The following CNST variants were observed in gnomAD, a reference collection of about 807,000 sequenced individuals.
CNST encodes the protein consortin.
CNST carries 39 observed loss-of-function variants against 72.4 expected under a neutral mutation model. That is an observed-to-expected ratio of 0.54 (90% confidence interval 0.42 to 0.70). The LOEUF is 0.70. Ranked by LOEUF, CNST falls within the 30% of genes least tolerant of loss-of-function variation. The probability of loss-of-function intolerance (pLI) is 0.00; values close to 1 mark genes in which losing one functional copy is unlikely to be tolerated. For synonymous variants in CNST, 332 were observed against 320.1 expected, an observed-to-expected ratio of 1.04 and a Z score of -0.40; for missense variants, 871 against 868.5, an observed-to-expected ratio of 1.00 and a Z score of -0.04.
At chr1:246,646,979 G>T (rs1226432294) in intron 8 of CNST, among the ~76,000 whole-genome samples, 160 bp from the exon 9 acceptor site, 1 of 152,086 alleles carries the variant, frequency 6.6e-6, no homozygotes, top group Non-Finnish European at 1.5e-5. Context: ...AATATTTTGG[G>T]TATTTCCTCT....
At chr1:246,643,238 C>T (rs547606887) in intron 8 of CNST, among the ~76,000 whole-genome samples, 1 of 152,150 alleles carries the variant, frequency 6.6e-6, no homozygotes, top group Non-Finnish European at 1.5e-5. Flanking sequence ...TCAAATCTTA[C>T]TTTATCTCCT....
intron 1 of CNST, among the ~76,000 whole-genome samples, chr1:246,574,456 C>T (rs376343579): frequency 5.9e-5 from 9 of 152,124 alleles, no homozygotes; most frequent in African/African-American, 1.4e-4. Context: ...GACAGCTTGT[C>T]GCACTATCAC....
chr1:246,656,138 C>G (rs1192076152), intron 9 of CNST, among the ~76,000 whole-genome samples: 7 of 152,150 alleles, frequency 4.6e-5, no homozygotes, highest in Admixed American at 1.3e-4. Context: ...AATTGACCAA[C>G]CTAGAGGTTC....
intron 3 of CNST, among the ~76,000 whole-genome samples, chr1:246,624,108 A>AT (rs1387670234): frequency 6.6e-5 from 10 of 152,192 alleles, no homozygotes; most frequent in African/African-American, 2.4e-4. Flanking sequence ...CCAATTCAGG[A>AT]AAATGTATAC....
At chr1:246,595,605 G>T (rs1019389811) in intron 2 of CNST, among the ~76,000 whole-genome samples, 1 of 152,134 alleles carries the variant, frequency 6.6e-6, no homozygotes, top group African/African-American at 2.4e-5. Flanking sequence ...AAATTTTTCA[G>T]ACGTGTACTT....
At chr1:246,568,704 G>C (rs1659878020) in intron 1 of CNST, among the ~76,000 whole-genome samples, 1 of 152,156 alleles carries the variant, frequency 6.6e-6, no homozygotes, top group South Asian at 2.1e-4. Flanking sequence ...AGCCTCCCGA[G>C]TAGCTGGGAT....
At chr1:246,580,577 C>A (rs1402854599) in intron 1 of CNST, among the ~76,000 whole-genome samples, 1 of 152,186 alleles carries the variant, frequency 6.6e-6, no homozygotes, top group East Asian at 1.9e-4. Context: ...TTCCACAGTA[C>A]TTTGTTCATA....
intron 2 of CNST, chr1:246,607,612 A>T (rs538511773): frequency 6.6e-6 from 1 of 152,506 alleles, no homozygotes; most frequent in African/African-American, 2.4e-5. Flanking sequence ...TGTAAACAGG[A>T]AGTGTCCCTG....
intron 2 of CNST, among the ~76,000 whole-genome samples, chr1:246,597,342 C>A (rs73150010): frequency 0.025 from 3,806 of 152,204 alleles, 175 homozygotes; most frequent in African/African-American, 0.087. Context: ...AACATTTTAT[C>A]CTCCAGGAAG....
At position 246,621,727 on chromosome 1, in the gene CNST, G is replaced by C. The variant is rs994239645; in HGVS notation, c.585+93G>C. 2.0e-5 allele frequency: 22 copies of C among 1,080,380 alleles called. No individual in the cohort carries two copies. In the African/African-American group the frequency reaches 3.4e-4, roughly 17 times the overall value. 66.9% of individuals were successfully genotyped at this position (1,080,380 alleles called of 1,614,324 possible). ...AATGCTGTCTTGGCTGGGCGCAGTG[G>C]CTCATGCCTGTAATCCCAGCATTTT... On this transcript the variant is annotated intron_variant, in intron 3 of 10. Transcript: ENST00000366513.
At chr1:246,615,283 C>T (rs1382646649) in intron 2 of CNST, among the ~76,000 whole-genome samples, 1 of 152,130 alleles carries the variant, frequency 6.6e-6, no homozygotes, top group Non-Finnish European at 1.5e-5. Flanking sequence ...TCACGCCATT[C>T]TCCTGCCTCA....
chr1:246,664,489 T>A (rs182748250), intron 10 of CNST, among the ~76,000 whole-genome samples: 1 of 151,946 alleles, frequency 6.6e-6, no homozygotes, highest in East Asian at 1.9e-4. Context: ...TGCAGTGGTG[T>A]GATCTCAGCT....
chr1:246,613,189 G>C (rs1483612854), intron 2 of CNST, among the ~76,000 whole-genome samples: 1 of 152,200 alleles, frequency 6.6e-6, no homozygotes, highest in East Asian at 1.9e-4. Flanking sequence ...CTTCATCCCA[G>C]GTAGTCTGAC....
intron 1 of CNST, among the ~76,000 whole-genome samples, chr1:246,570,308 C>T (rs1659989864): frequency 6.6e-6 from 1 of 152,172 alleles, no homozygotes; most frequent in Non-Finnish European, 1.5e-5. Flanking sequence ...AACTCTAAAG[C>T]CAGTTAACCT....
At chr1:246,653,363 C>T (rs116274012) in intron 9 of CNST, among the ~76,000 whole-genome samples, 3,208 of 152,324 alleles carry the variant, frequency 0.021, 117 homozygotes, top group African/African-American at 0.073. Flanking sequence ...TAGCACTAAG[C>T]AGTAGTCGCT....
Position 246,573,541 on chromosome 1 carries a change from G to A in CNST, c.-52+6878G>A, listed in dbSNP as rs188102397. Among the ~76,000 whole-genome samples, 9 of 152,238 alleles carry A rather than the reference G, an allele frequency of 5.9e-5. No homozygotes were observed. The East Asian group carries it at 9.6e-4, about 16-fold the overall frequency. Reference sequence around the variant, plus strand: ...TAGTTTCGTGCATTCTGATGCCTGCGGGCTTTTTATCCTTCCTGTCTCCAC... The same window carrying A: ...TAGTTTCGTGCATTCTGATGCCTGCAGGCTTTTTATCCTTCCTGTCTCCAC... On this transcript the variant is annotated intron_variant, in intron 1 of 10. Transcript: ENST00000366513.
intron 8 of CNST, among the ~76,000 whole-genome samples, chr1:246,646,760 G>C (rs934801138): frequency 6.6e-6 from 1 of 152,032 alleles, no homozygotes; most frequent in Non-Finnish European, 1.5e-5. Context: ...GACTACAGGC[G>C]TGAGCCACTG....
At chr1:246,612,326 C>A (rs2103062033) in intron 2 of CNST, among the ~76,000 whole-genome samples, 1 of 152,262 alleles carries the variant, frequency 6.6e-6, no homozygotes. Context: ...CTCAGCCTCC[C>A]AAGTAGCTGG....
At chr1:246,641,188 A>G (rs74465039) in intron 6 of CNST, among the ~76,000 whole-genome samples, 4,663 of 152,312 alleles carry the variant, frequency 0.031, 235 homozygotes, top group African/African-American at 0.11. Context: ...ATGACTATGC[A>G]GCAATTTATT....
Sources: allele counts gnomAD v4.1 joint callset (sites outside exome capture counted in the v4.1 genomes callset), GRCh38; gene constraint gnomAD v4.1.1; transcripts MANE v1.5; gene names NCBI Gene and HGNC (gene_info 2026-07-23, HGNC 2026-07-21).